AKAP6: variants seen among roughly 807,000 people sequenced by gnomAD.
AKAP6 encodes the protein A-kinase anchor protein 6.
AKAP6 carries 58 observed loss-of-function variants against 188.5 expected under a neutral mutation model. The ratio of observed to expected loss-of-function variants is 0.31; its 90% confidence interval spans 0.25 to 0.38. The LOEUF is 0.38. AKAP6 is among the 10% of genes least tolerant of loss of function. The pLI is 1.00. For missense variants in AKAP6, 2,710 were observed against 2,740.0 expected (o/e 0.99, Z 0.24); for synonymous variants, 989 against 998.6 (o/e 0.99, Z 0.18).
In AKAP6 at chr14:32,564,024, T is replaced by C. The variant is rs1286115985; in HGVS notation, c.2347-13096T>C. ...CCCCTGTGGATATCAAAATCAATGA[T>C]GCTCAAGTCCCTTATGTAAATTGTA... On this transcript the variant is annotated intron_variant, in intron 4 of 13. Transcript: ENST00000280979. 3.3e-5 allele frequency among the ~76,000 whole-genome samples: 5 copies of C among 152,204 alleles called. No individual in the cohort carries two copies. In the East Asian group the frequency reaches 7.7e-4, roughly 23 times the overall value.
chr14:32,572,294 A>G (rs879621728), intron 4 of AKAP6, among the ~76,000 whole-genome samples: 3 of 152,250 alleles, frequency 2.0e-5, no homozygotes, highest in Non-Finnish European at 4.4e-5. Context: ...CACAGCATTT[A>G]CTTCCTGCTG....
intron 2 of AKAP6, among the ~76,000 whole-genome samples, chr14:32,500,966 G>C (rs1295422934): frequency 6.6e-6 from 1 of 152,096 alleles, no homozygotes; most frequent in Admixed American, 6.6e-5. Flanking sequence ...GTTTCCCATT[G>C]CAAGTGCATT....
chr14:32,773,192 T>C (rs2032951949), intron 11 of AKAP6, among the ~76,000 whole-genome samples: 1 of 152,174 alleles, frequency 6.6e-6, no homozygotes, highest in African/African-American at 2.4e-5. Context: ...AGATTTTATA[T>C]ATAAAAATTC....
At chr14:32,797,934 A>AAAC (rs1348315235) in intron 12 of AKAP6, among the ~76,000 whole-genome samples, 1 of 151,798 alleles carries the variant, frequency 6.6e-6, no homozygotes, top group East Asian at 1.9e-4. Context: ...AGAAAAAAAA[A>AAAC]AAAAAACCAT....
intron 3 of AKAP6, among the ~76,000 whole-genome samples, chr14:32,537,743 A>T (rs936644632): frequency 1.3e-5 from 2 of 152,220 alleles, no homozygotes; most frequent in African/African-American, 4.8e-5. Context: ...AGCTGGAGAT[A>T]TAGCAGTGCT....
At chr14:32,425,646 A>G (rs1890004674) in intron 1 of AKAP6, among the ~76,000 whole-genome samples, 1 of 142,906 alleles carries the variant, frequency 7.0e-6, no homozygotes, top group Non-Finnish European at 1.5e-5. Context: ...AAGGAGAGGA[A>G]GGAAGGAAGG....
intron 8 of AKAP6, among the ~76,000 whole-genome samples, chr14:32,688,688 C>T (rs547450797): frequency 4.6e-5 from 7 of 152,210 alleles, no homozygotes; most frequent in Admixed American, 2.6e-4. Flanking sequence ...ATACTACACC[C>T]GTGCAAGAGA....
At chr14:32,562,576 G>A in intron 4 of AKAP6, among the ~76,000 whole-genome samples, 1 of 152,124 alleles carries the variant, frequency 6.6e-6, no homozygotes, top group East Asian at 1.9e-4. Flanking sequence ...TGGCCAACAT[G>A]GTGAAACCCT....
chr14:32,594,493 A>C (rs1375000159), intron 5 of AKAP6, among the ~76,000 whole-genome samples: 1 of 152,116 alleles, frequency 6.6e-6, no homozygotes, highest in African/African-American at 2.4e-5. Flanking sequence ...AAATCTTCCG[A>C]TTCTTGGTAT....
Position 32,696,020 on chromosome 14 carries a change from G to C in AKAP6, c.2910G>C (p.Glu970Asp). The change falls in exon 9 of 14, where the codon GAG (glutamate) becomes GAC (aspartate). Residue 970 changes from glutamate to aspartate, a missense_variant. Coordinates refer to ENST00000280979, the MANE Select transcript of AKAP6 (RefSeq NM_004274.5). ...GLLDFDSEYQ[E>D]LWDWLIDMES... Reference sequence around the variant, plus strand: ...TGGACTTTGATTCAGAATATCAGGAGCTCTGGGATTGGCTGATTGACATGG... The same window carrying C: ...TGGACTTTGATTCAGAATATCAGGACCTCTGGGATTGGCTGATTGACATGG... 6.2e-7 allele frequency: 1 copy of C among 1,613,134 alleles called. No homozygotes were observed. The highest frequency in any genetic ancestry group is 8.5e-7 in the Non-Finnish European group (1 of 1,179,730).
intron 7 of AKAP6, among the ~76,000 whole-genome samples, chr14:32,659,619 C>T (rs1054673639): frequency 6.6e-6 from 1 of 152,040 alleles, no homozygotes; most frequent in Non-Finnish European, 1.5e-5. Flanking sequence ...TTGCCAAAGT[C>T]CCAATAACAA....
intron 1 of AKAP6, among the ~76,000 whole-genome samples, chr14:32,407,971 A>G (rs1320064401): frequency 6.6e-6 from 1 of 152,222 alleles, no homozygotes; most frequent in African/African-American, 2.4e-5. Flanking sequence ...GTTTATTGCC[A>G]GATGATGTGC....
At chr14:32,347,947 G>A (rs889503167) in intron 1 of AKAP6, among the ~76,000 whole-genome samples, 7 of 152,212 alleles carry the variant, frequency 4.6e-5, no homozygotes, top group African/African-American at 1.7e-4. Flanking sequence ...AGTTGCTTTA[G>A]TTCTTATAAC....
intron 9 of AKAP6, among the ~76,000 whole-genome samples, chr14:32,701,257 T>A (rs1890610583): frequency 6.6e-6 from 1 of 152,094 alleles, no homozygotes; most frequent in African/African-American, 2.4e-5. Context: ...AGACTAGAAG[T>A]TGCATCTGTA....
In AKAP6 at chr14:32,547,009, T is replaced by C. The variant is rs1883230914; in HGVS notation, c.2346+10T>C. ...ATGGGAAAAAATAGAGGTAAGGTGG[T>C]TTTCTTAACATGAATGATTTCTCAC... On this transcript the variant is annotated intron_variant, in intron 4 of 13. Transcript: ENST00000280979. 1.3e-6 allele frequency: 2 copies of C among 1,577,742 alleles called. No individual in the cohort carries two copies. Among genetic ancestry groups the C allele is most frequent in the Middle Eastern group, 3.4e-4 (2 of 5,862 alleles).
intron 9 of AKAP6, among the ~76,000 whole-genome samples, chr14:32,700,762 C>G (rs954972276): frequency 6.6e-6 from 1 of 152,008 alleles, no homozygotes; most frequent in African/African-American, 2.4e-5. Context: ...TATCTAAGTA[C>G]ACTCTAGGAT....
At chr14:32,336,169 T>A (rs1886693741) in intron 1 of AKAP6, among the ~76,000 whole-genome samples, 1 of 152,068 alleles carries the variant, frequency 6.6e-6, no homozygotes, top group Non-Finnish European at 1.5e-5. Flanking sequence ...CAGAGAGTTG[T>A]TAGAAAATGG....
At chr14:32,634,218 TGG>T (rs1887395074) in intron 7 of AKAP6, among the ~76,000 whole-genome samples, 2 of 152,060 alleles carry the variant, frequency 1.3e-5, no homozygotes, top group Admixed American at 1.3e-4. Flanking sequence ...TCCTTAAAAT[TGG>T]ATAATTCAAG....
At chr14:32,593,951 A>G (rs1441793573) in intron 5 of AKAP6, among the ~76,000 whole-genome samples, 1 of 152,236 alleles carries the variant, frequency 6.6e-6, no homozygotes, top group Non-Finnish European at 1.5e-5. Flanking sequence ...GAGAACCTCA[A>G]CAATAAAGAA....
Sources: gnomAD v4.1 joint callset for allele counts (sites outside exome capture counted in the v4.1 genomes callset) on GRCh38, gnomAD v4.1.1 for gene constraint, MANE v1.5 for transcripts, NCBI Gene and HGNC (gene_info 2026-07-23, HGNC 2026-07-21) for gene names.